Variants in DLGAP1 observed in about 807,000 individuals in gnomAD.
The protein encoded by DLGAP1 is DLG associated protein 1.
In DLGAP1, 11 loss-of-function variants were observed where a neutral mutation model predicts 90.8. The ratio of observed to expected loss-of-function variants is 0.12; its 90% CI spans 0.08 to 0.20. The LOEUF is 0.20. DLGAP1 is among the 10% of genes least tolerant of loss of function. The probability of loss-of-function intolerance (pLI) is 1.00; values close to 1 mark genes in which losing one functional copy is unlikely to be tolerated. For synonymous variants in DLGAP1, 558 were observed against 540.7 expected, an observed-to-expected ratio of 1.03 and a Z score of -0.44; for missense variants, 1,050 against 1,333.8, an observed-to-expected ratio of 0.79 and a Z score of 3.31.
At chr18:3,564,483 G>C (rs572399219) in intron 9 of DLGAP1, among the ~76,000 whole-genome samples, 3 of 152,296 alleles carry the variant, frequency 2.0e-5, no homozygotes, top group African/African-American at 7.2e-5. Flanking sequence ...AATAGTTTCT[G>C]CTGCGTGCAG....
chr18:4,033,215 T>C lies in DLGAP1; in HGVS notation c.-158-28014A>G, dbSNP rs537991277. Among the ~76,000 whole-genome samples the C allele has an allele frequency of 1.2e-4, 18 of 152,220 alleles. No homozygotes were observed. The East Asian group carries it at 3.5e-3, about 29-fold the overall frequency. On this transcript the variant is annotated intron_variant, in intron 2 of 12. Transcript: ENST00000315677. ...TTCATATGATATGATGTGTAAAACA[T>C]TGAAACAGTTCAGATAAGGCTAACG...
In DLGAP1 at chr18:4,049,777, T is replaced by A. The variant is rs950308382; in HGVS notation, c.-158-44576A>T. 2.0e-5 allele frequency among the ~76,000 whole-genome samples: 3 copies of A among 152,248 alleles called. No homozygotes were observed. In the East Asian group the frequency reaches 5.8e-4, roughly 29 times the overall value. The stretch of plus-strand genomic sequence containing the variant: ...TAGGTTTTTACTTTACCCTTGACTA[T>A]CATCATAATTGCCTCTGGGATTTTC... On this transcript the variant is annotated intron_variant, in intron 2 of 12. Coordinates refer to ENST00000315677, the MANE Select transcript of DLGAP1 (RefSeq NM_004746.4).
At chr18:3,664,212 A>C (rs545762587) in intron 7 of DLGAP1, among the ~76,000 whole-genome samples, 3,619 of 126,848 alleles carry the variant, frequency 0.029, 127 homozygotes, top group African/African-American at 0.13. Context: ...ACACACACAC[A>C]CACACCCACA....
intron 1 of DLGAP1, among the ~76,000 whole-genome samples, chr18:4,426,311 T>G (rs2083153083): frequency 6.6e-6 from 1 of 152,172 alleles, no homozygotes; most frequent in Non-Finnish European, 1.5e-5. Context: ...CTTAAAAAGT[T>G]CTCCCCAAAT....
chr18:4,287,415 T>C (rs1282193875), intron 1 of DLGAP1, among the ~76,000 whole-genome samples: 1 of 152,202 alleles, frequency 6.6e-6, no homozygotes, highest in Non-Finnish European at 1.5e-5. Flanking sequence ...CATATGTTTA[T>C]TGCAGCACTA....
At chr18:3,618,875 C>CCT (rs2057989136) in intron 7 of DLGAP1, among the ~76,000 whole-genome samples, 1 of 149,890 alleles carries the variant, frequency 6.7e-6, no homozygotes, top group African/African-American at 2.5e-5. Flanking sequence ...GGAAGCGGAG[C>CCT]TGGCAGTGAG....
At chr18:4,178,042 T>C (rs372018097) in intron 1 of DLGAP1, among the ~76,000 whole-genome samples, 9 of 152,036 alleles carry the variant, frequency 5.9e-5, no homozygotes, top group East Asian at 3.9e-4. Context: ...CAAATCCTAT[T>C]CTTTCTATTC....
chr18:4,250,011 G>T (rs2078748048), intron 1 of DLGAP1, among the ~76,000 whole-genome samples: 1 of 152,132 alleles, frequency 6.6e-6, no homozygotes, highest in Non-Finnish European at 1.5e-5. Flanking sequence ...GCATCTTTGG[G>T]TAGGTAACTA....
intron 1 of DLGAP1, among the ~76,000 whole-genome samples, chr18:4,232,355 GA>G (rs1166073906): frequency 6.6e-6 from 1 of 152,094 alleles, no homozygotes; most frequent in Non-Finnish European, 1.5e-5. Context: ...ACATAGGAGA[GA>G]AATTAGTCAG....
chr18:4,280,540 C>T (rs1451057598), intron 1 of DLGAP1, among the ~76,000 whole-genome samples: 1 of 152,192 alleles, frequency 6.6e-6, no homozygotes, highest in Non-Finnish European at 1.5e-5. Flanking sequence ...TGTCAACTCC[C>T]AGACTAGGGA....
intron 3 of DLGAP1, among the ~76,000 whole-genome samples, chr18:3,990,679 C>T (rs953871220): frequency 1.4e-5 from 2 of 147,362 alleles, no homozygotes; most frequent in Non-Finnish European, 3.0e-5. Flanking sequence ...GAAATTACTA[C>T]TTGTTGAGTT....
chr18:3,597,585 T>C (rs2056655666), intron 7 of DLGAP1: 1 of 252,940 alleles, frequency 4.0e-6, no homozygotes, highest in South Asian at 3.8e-5. Flanking sequence ...CTTGGTTCAC[T>C]GGCAGGCTTG....
intron 7 of DLGAP1, among the ~76,000 whole-genome samples, chr18:3,685,305 T>C (rs946733158): frequency 6.6e-6 from 1 of 152,124 alleles, no homozygotes; most frequent in African/African-American, 2.4e-5. Flanking sequence ...CTCATGCCTA[T>C]AATCCCAGCA....
chr18:4,355,514 C>G (rs1240444098), intron 1 of DLGAP1, among the ~76,000 whole-genome samples: 2 of 151,974 alleles, frequency 1.3e-5, no homozygotes, highest in African/African-American at 4.8e-5. Context: ...GGTTCTGGAT[C>G]TTGATTATGC....
intron 9 of DLGAP1, among the ~76,000 whole-genome samples, chr18:3,563,633 C>A (rs1056408226): frequency 6.6e-6 from 1 of 152,054 alleles, no homozygotes; most frequent in Non-Finnish European, 1.5e-5. Context: ...CCATACCCGG[C>A]TAATTTTTTA....
chr18:4,128,692 C>CT (rs2076268557), intron 2 of DLGAP1, among the ~76,000 whole-genome samples: 2 of 152,122 alleles, frequency 1.3e-5, no homozygotes, highest in African/African-American at 4.8e-5. Flanking sequence ...AAGGAGCATG[C>CT]TATCAGCGAG....
At chr18:3,570,478 T>C (rs972996646) in intron 8 of DLGAP1, among the ~76,000 whole-genome samples, 9 of 151,766 alleles carry the variant, frequency 5.9e-5, no homozygotes, top group African/African-American at 1.5e-4. Context: ...GGGATTTCAC[T>C]ACATTGGCCA....
intron 3 of DLGAP1, among the ~76,000 whole-genome samples, chr18:3,933,663 C>A (rs1305069525): frequency 1.3e-5 from 2 of 152,162 alleles, no homozygotes; most frequent in East Asian, 3.9e-4. Context: ...TGGCCACTGG[C>A]CTTAATCACC....
chr18:4,142,628 T>C (rs1203738059), intron 2 of DLGAP1, among the ~76,000 whole-genome samples: 1 of 152,174 alleles, frequency 6.6e-6, no homozygotes, highest in Non-Finnish European at 1.5e-5. Flanking sequence ...AACGGCAAAA[T>C]AGTTAAGATT....
Sources: gnomAD v4.1 joint callset for allele counts (sites outside exome capture counted in the v4.1 genomes callset) on GRCh38, gnomAD v4.1.1 for gene constraint, MANE v1.5 for transcripts, NCBI Gene and HGNC (gene_info 2026-07-23, HGNC 2026-07-21) for gene names.